The following CHD6 variants were observed in gnomAD, a reference collection of about 807,000 sequenced individuals.
CHD6 encodes the protein chromodomain helicase DNA binding protein 6, also known as ATP-dependent chromatin remodeler CHD6.
Under a neutral mutation model 276.9 loss-of-function variants are expected in CHD6, and 50 were observed. That is an observed-to-expected ratio of 0.18 (90% CI 0.14 to 0.23). The LOEUF is 0.23. CHD6 is among the 10% of genes least tolerant of loss of function. The pLI is 1.00. For synonymous variants in CHD6, 1,173 were observed against 1,229.3 expected, an observed-to-expected ratio of 0.95 and a Z score of 0.96; for missense variants, 2,564 against 3,365.8, an observed-to-expected ratio of 0.76 and a Z score of 5.89.
chr20:41,463,951 T>C (rs1227043869), intron 17 of CHD6, among the ~76,000 whole-genome samples: 2 of 152,140 alleles, frequency 1.3e-5, no homozygotes, highest in African/African-American at 4.8e-5. Context: ...TGCAACTTAC[T>C]CTCAAATAGC....
chr20:41,592,566 G>A (rs904079037), intron 1 of CHD6, among the ~76,000 whole-genome samples: 2 of 152,100 alleles, frequency 1.3e-5, no homozygotes, highest in Non-Finnish European at 2.9e-5. Flanking sequence ...TAAAGACAAC[G>A]AGTACACATA....
At chr20:41,513,062 C>T (rs1257090910) in intron 4 of CHD6, 67 bp from the exon 5 acceptor site, 2 of 1,546,056 alleles carry the variant, frequency 1.3e-6, no homozygotes, top group South Asian at 1.1e-5. Flanking sequence ...ACAAGAATAC[C>T]CTCATCTACA....
At chr20:41,543,967 C>T (rs979780411) in intron 2 of CHD6, among the ~76,000 whole-genome samples, 3 of 152,124 alleles carry the variant, frequency 2.0e-5, no homozygotes, top group Admixed American at 6.5e-5. Context: ...CGGCCAGGCA[C>T]GGTGGCTCAT....
intron 1 of CHD6, among the ~76,000 whole-genome samples, chr20:41,602,620 T>C (rs1366983464): frequency 1.3e-5 from 2 of 152,210 alleles, no homozygotes; most frequent in Admixed American, 6.5e-5. Context: ...GTCATGCTTT[T>C]ACAAGTCAGT....
intron 25 of CHD6, among the ~76,000 whole-genome samples, chr20:41,444,093 T>A (rs2047987704): frequency 2.0e-5 from 3 of 152,154 alleles, no homozygotes; most frequent in Non-Finnish European, 4.4e-5. Context: ...CACTAGGCCT[T>A]CCCCCACAAA....
chr20:41,577,050 GA>G (rs1237081039), intron 1 of CHD6, among the ~76,000 whole-genome samples: 1 of 152,166 alleles, frequency 6.6e-6, no homozygotes, highest in Admixed American at 6.5e-5. Context: ...ATGAGGGACA[GA>G]AAAGGAAGGA....
At chr20:41,413,536 T>A in intron 34 of CHD6, 21 bp from the exon 35 acceptor site, 1 of 1,502,390 alleles carries the variant, frequency 6.7e-7, no homozygotes. Context: ...GAAAAACGAG[T>A]ATGTATAATC....
intron 29 of CHD6, 73 bp downstream of exon 29, chr20:41,425,105 G>T: frequency 2.5e-6 from 3 of 1,191,362 alleles, no homozygotes; most frequent in Non-Finnish European, 3.7e-6. Context: ...CGCCCTCCAA[G>T]CTACCGGCTT....
At chr20:41,516,153 G>A (rs1017426169) in intron 3 of CHD6, among the ~76,000 whole-genome samples, 2 of 148,674 alleles carry the variant, frequency 1.3e-5, no homozygotes, top group Admixed American at 1.3e-4. Context: ...CAACAGCCCT[G>A]TAAAGCAGAT....
intron 25 of CHD6, among the ~76,000 whole-genome samples, chr20:41,442,669 G>A (rs2047936378): frequency 6.6e-6 from 1 of 152,206 alleles, no homozygotes; most frequent in Non-Finnish European, 1.5e-5. Context: ...CTGAGAAGCT[G>A]TCACCTGGTA....
intron 5 of CHD6, among the ~76,000 whole-genome samples, chr20:41,509,980 G>A (rs886369244): frequency 2.1e-4 from 32 of 152,076 alleles, no homozygotes; most frequent in Admixed American, 1.9e-3. Context: ...TCTGGGGCTG[G>A]GACAAGGGCC....
chr20:41,437,655 T>C (rs749642130), intron 26 of CHD6, among the ~76,000 whole-genome samples: 9 of 152,180 alleles, frequency 5.9e-5, no homozygotes, highest in Admixed American at 2.0e-4. Context: ...AAGTGGAACT[T>C]CCAAGTCAGC....
chr20:41,530,524 T>C (rs1345210455), intron 3 of CHD6, among the ~76,000 whole-genome samples: 3 of 152,120 alleles, frequency 2.0e-5, no homozygotes, highest in African/African-American at 4.8e-5. Context: ...AACAAAAAAC[T>C]AAGGCTTAAT....
chr20:41,565,130 A>G (rs2045341833), intron 1 of CHD6, among the ~76,000 whole-genome samples: 3 of 150,054 alleles, frequency 2.0e-5, no homozygotes, highest in Non-Finnish European at 4.4e-5. Flanking sequence ...GAGATTCACT[A>G]TTGTCACCCA....
At chr20:41,518,310 A>G (rs1275179518) in intron 3 of CHD6, among the ~76,000 whole-genome samples, 3 of 152,242 alleles carry the variant, frequency 2.0e-5, no homozygotes, top group Non-Finnish European at 4.4e-5. Flanking sequence ...GCGTGCCCAC[A>G]TGCTAGAATC....
At chr20:41,541,801 C>T (rs2044947904) in intron 2 of CHD6, among the ~76,000 whole-genome samples, 1 of 152,190 alleles carries the variant, frequency 6.6e-6, no homozygotes, top group Non-Finnish European at 1.5e-5. Context: ...CTTTCCACCC[C>T]CAAATACTTG....
intron 17 of CHD6, among the ~76,000 whole-genome samples, chr20:41,465,718 G>A (rs1383421208): frequency 1.3e-5 from 2 of 152,120 alleles, no homozygotes; most frequent in Admixed American, 6.5e-5. Flanking sequence ...AGGGAAGCTG[G>A]GTGAACTGTA....
chr20:41,408,603 T>C (rs2046751782), intron 36 of CHD6, among the ~76,000 whole-genome samples: 1 of 152,166 alleles, frequency 6.6e-6, no homozygotes, highest in Non-Finnish European at 1.5e-5. Flanking sequence ...CCCAGGGTGC[T>C]TCAGCCAGGG....
At chr20:41,588,061 G>A (rs1387429607) in intron 1 of CHD6, among the ~76,000 whole-genome samples, 1 of 152,050 alleles carries the variant, frequency 6.6e-6, no homozygotes, top group Non-Finnish European at 1.5e-5. Flanking sequence ...CAGCAGGTAG[G>A]ATGAGGAAGC....
Sources: gnomAD v4.1 joint callset for allele counts (sites outside exome capture counted in the v4.1 genomes callset) on GRCh38, gnomAD v4.1.1 for gene constraint, MANE v1.5 for transcripts, NCBI Gene and HGNC (gene_info 2026-07-23, HGNC 2026-07-21) for gene names.